Variants in ALG13 observed in about 807,000 individuals in gnomAD.
The protein encoded by ALG13 is UDP-N-acetylglucosamine transferase subunit ALG13.
In ALG13, 11 loss-of-function variants were observed where a neutral mutation model predicts 87.8. That is an observed-to-expected ratio of 0.13 (90% CI 0.08 to 0.21). The LOEUF is 0.21. Among genes scored for constraint, ALG13 ranks in the 10% least tolerant of loss-of-function variants. ALG13 has a pLI of 1.00. For missense variants in ALG13, 756 were observed against 866.1 expected (o/e 0.87, Z 1.60); for synonymous variants, 320 against 306.3 (o/e 1.04, Z -0.47).
intron 3 of ALG13, among the ~76,000 whole-genome samples, chrX:111,705,230 A>G (rs975250345): frequency 3.6e-5 from 4 of 112,142 alleles, no homozygotes; most frequent in Non-Finnish European, 7.5e-5. Context: ...TTTCCTAAAG[A>G]TCAATGATTT....
At chrX:111,726,749 A>C in intron 15 of ALG13, 60 bp from the exon 16 acceptor site, 1 of 1,184,859 alleles carries the variant, frequency 8.4e-7, no homozygotes, top group African/African-American at 1.7e-5. Flanking sequence ...TGGTGACAGT[A>C]CACTGGGCCT....
At chrX:111,703,994 C>G (rs755339551) in intron 3 of ALG13, among the ~76,000 whole-genome samples, 1 of 112,054 alleles carries the variant, frequency 8.9e-6, no homozygotes, top group African/African-American at 3.2e-5. Context: ...TATGAGAGTT[C>G]CAGTTCTATA....
intron 23 of ALG13, among the ~76,000 whole-genome samples, chrX:111,738,150 ATAACAT>A (rs1238437952): frequency 8.9e-6 from 1 of 112,590 alleles, no homozygotes; most frequent in Non-Finnish European, 1.9e-5. Context: ...ACATTAAAGA[ATAACAT>A]AAATCAGAAT....
In ALG13 at chrX:111,752,576, C is replaced by T. The variant is rs57867104; in HGVS notation, c.2933-214C>T. On this transcript the variant is annotated intron_variant, in intron 24 of 26. Transcript: ENST00000394780. Reference sequence around the variant, plus strand: ...GATTACAGGCACCCGCCACCACGTCCGGCTAATTTTTGTAGTTTTAGTAGA... The same window carrying T: ...GATTACAGGCACCCGCCACCACGTCTGGCTAATTTTTGTAGTTTTAGTAGA... Among the ~76,000 whole-genome samples the T allele has an allele frequency of 0.014, 1,578 of 109,783 alleles. 22 individuals carry two copies. The highest frequency in any genetic ancestry group is 0.05 in the African/African-American group (1,495 of 30,092).
intron 23 of ALG13, among the ~76,000 whole-genome samples, chrX:111,742,269 T>G (rs1943819381): frequency 9.0e-6 from 1 of 111,021 alleles, no homozygotes; most frequent in African/African-American, 3.3e-5. Flanking sequence ...CATCCTTAAG[T>G]GACTGCTAAT....
chrX:111,711,942 A>G (rs887308755), intron 6 of ALG13, among the ~76,000 whole-genome samples: 1 of 111,964 alleles, frequency 8.9e-6, no homozygotes, highest in Non-Finnish European at 1.9e-5. Context: ...CATCAACCAT[A>G]GACTAGCAAA....
chrX:111,746,290 C>T, intron 24 of ALG13, among the ~76,000 whole-genome samples: 1 of 112,234 alleles, frequency 8.9e-6, no homozygotes, highest in Middle Eastern at 4.6e-3. Flanking sequence ...AAAGTATTAA[C>T]ATTGTCCCAC....
chrX:111,694,486 C>A (rs758822752), intron 3 of ALG13, among the ~76,000 whole-genome samples: 1 of 112,309 alleles, frequency 8.9e-6, no homozygotes, highest in East Asian at 2.8e-4. Context: ...CATATAGTGT[C>A]TTTTCTAATA....
chrX:111,743,209 A>T (rs980282595), intron 23 of ALG13, among the ~76,000 whole-genome samples: 19 of 111,251 alleles, frequency 1.7e-4, no homozygotes, highest in African/African-American at 5.2e-4. Context: ...GCTTTTTTTT[A>T]AAAAAATGGC....
chrX:111,738,836 C>T (rs1296962117), intron 23 of ALG13, among the ~76,000 whole-genome samples: 1 of 87,703 alleles, frequency 1.1e-5, no homozygotes, highest in African/African-American at 4.3e-5. Flanking sequence ...CACACCCGGC[C>T]ATAAACTTTA....
intron 7 of ALG13, among the ~76,000 whole-genome samples, 167 bp downstream of exon 7, chrX:111,712,697 AAAG>A (rs1242353484): frequency 2.7e-5 from 3 of 111,860 alleles, no homozygotes; most frequent in Non-Finnish European, 5.6e-5. Context: ...TGAAAAGTCA[AAAG>A]AAGAATGTTT....
intron 3 of ALG13, chrX:111,688,965 A>G (rs772825661): frequency 9.4e-6 from 7 of 743,882 alleles, no homozygotes; most frequent in East Asian, 1.5e-4. Flanking sequence ...AACATTCACT[A>G]TAAAGACCTC....
At chrX:111,681,380 C>T in intron 1 of ALG13, 81 bp downstream of exon 1, 3 of 1,190,539 alleles carry the variant, frequency 2.5e-6, no homozygotes, top group South Asian at 3.6e-5. Flanking sequence ...GTTAGCCTTG[C>T]CTGACCGTCG....
At chrX:111,756,051 T>C (rs1945220754) in intron 25 of ALG13, among the ~76,000 whole-genome samples, 3 of 112,365 alleles carry the variant, frequency 2.7e-5, no homozygotes, top group African/African-American at 6.5e-5. Flanking sequence ...AAAGAAAATG[T>C]GGCACATACA....
intron 1 of ALG13, chrX:111,681,795 C>A: frequency 4.8e-6 from 4 of 840,264 alleles, no homozygotes; most frequent in Non-Finnish European, 5.7e-6. Flanking sequence ...CGCGTCGTCC[C>A]CTCAGGGCTC....
Position 111,730,422 on chromosome X carries a change from G to A in ALG13, c.2396G>A (p.Arg799His), listed in dbSNP as rs1441099792. ...CGATATCATGAAGAATATCTTTATCGTGCAGGTCAGTAAGATCTAGAAGTG... is the reference window on the plus strand; with the variant it reads ...CGATATCATGAAGAATATCTTTATCATGCAGGTCAGTAAGATCTAGAAGTG... ...NGRYHEEYLYRAEPDYETSGV... is the reference protein window; with the variant it reads ...NGRYHEEYLYHAEPDYETSGV... The change falls in exon 20 of 27, where the codon CGT becomes CAT. Residue 799 changes from arginine (R) to histidine (H), a missense_variant. Physicochemically the swap from Arg to His is conservative, Grantham distance 29. Transcript: ENST00000394780. 9 of 1,205,717 alleles carry A rather than the reference G, an allele frequency of 7.5e-6. No homozygotes were observed. The highest frequency in any genetic ancestry group is 9.0e-6 in the Non-Finnish European group (8 of 891,816).
chrX:111,722,654 C>G lies in ALG13; in HGVS notation c.1436-139C>G, dbSNP rs1005605453. The G allele has an allele frequency of 2.0e-5, 9 of 442,679 alleles. No homozygotes were observed. In the South Asian group the frequency reaches 2.6e-4, roughly 13 times the overall value. 36.5% of individuals were successfully genotyped at this position (442,679 alleles called of 1,213,427 possible). On this transcript the variant is annotated intron_variant, in intron 12 of 26. Transcript: ENST00000394780. Reference sequence around the variant, plus strand: ...TAACTCATCCAGAATGATAGAATCGCCCTTTGGGACTTTACCCCTATTTTC... The same window carrying G: ...TAACTCATCCAGAATGATAGAATCGGCCTTTGGGACTTTACCCCTATTTTC...
rs565688676 is a variant in ALG13 at position 111,719,413 on chromosome X, G to A, written c.1251-682G>A. On this transcript the variant is annotated intron_variant, in intron 10 of 26. Coordinates refer to ENST00000394780, the MANE Select transcript of ALG13 (RefSeq NM_001099922.3). ...TTGCTTCACTCTTCACTGATCACTT[G>A]TCTTAAGGACTTCAGGCTTACGGAA... Among the ~76,000 whole-genome samples the A allele has an allele frequency of 4.5e-5, 5 of 112,194 alleles. No homozygotes were observed. In the South Asian group the frequency reaches 1.5e-3, roughly 34 times the overall value.
chrX:111,705,671 A>G (rs1055876531), intron 3 of ALG13, among the ~76,000 whole-genome samples: 7 of 111,259 alleles, frequency 6.3e-5, no homozygotes, highest in African/African-American at 2.3e-4. Context: ...TTGCATGTGG[A>G]TGGTCAATTG....
Sources: gnomAD v4.1 joint callset for allele counts (sites outside exome capture counted in the v4.1 genomes callset) on GRCh38, gnomAD v4.1.1 for gene constraint, MANE v1.5 for transcripts, NCBI Gene and HGNC (gene_info 2026-07-23, HGNC 2026-07-21) for gene names.